The following INPP5F variants were observed in gnomAD, a reference collection of about 807,000 sequenced individuals.
INPP5F encodes inositol polyphosphate-5-phosphatase F.
Under a neutral mutation model 137.2 loss-of-function variants are expected in INPP5F, and 97 were observed. That is an observed-to-expected ratio of 0.71 (90% CI 0.60 to 0.84). INPP5F has a LOEUF of 0.84. Ranked by LOEUF, INPP5F falls within the 40% of genes least tolerant of loss-of-function variation. INPP5F has a pLI of 0.00. For missense variants in INPP5F, 1,271 were observed against 1,371.9 expected, an observed-to-expected ratio of 0.93 and a Z score of 1.16; for synonymous variants, 504 against 476.9, an observed-to-expected ratio of 1.06 and a Z score of -0.74.
At chr10:119,819,635 A>G (rs1851470403) in intron 15 of INPP5F, 1 of 944,052 alleles carries the variant, frequency 1.1e-6, no homozygotes. Flanking sequence ...CCATTGGTTA[A>G]TTGGTTAATG....
chr10:119,736,988 T>C (rs1848232642), intron 1 of INPP5F, among the ~76,000 whole-genome samples: 1 of 152,094 alleles, frequency 6.6e-6, no homozygotes, highest in African/African-American at 2.4e-5. Context: ...CACACCTGGC[T>C]AATTTTTTTA....
At chr10:119,766,595 CAA>C (rs944549529) in intron 2 of INPP5F, among the ~76,000 whole-genome samples, 1 of 152,046 alleles carries the variant, frequency 6.6e-6, no homozygotes, top group East Asian at 1.9e-4. Context: ...AAAGTAAAGA[CAA>C]AGAGGATATC....
Position 119,810,128 on chromosome 10 carries a change from A to G in INPP5F, c.1598A>G (p.Lys533Arg). The G allele has an allele frequency of 6.2e-7, 1 of 1,612,638 alleles. No individual in the cohort carries two copies. Among genetic ancestry groups the G allele is most frequent in the East Asian group, 2.2e-5 (1 of 44,800 alleles). ...KGDFTRTGERKLAGVMKDGVN... is the reference protein window; with the variant it reads ...KGDFTRTGERRLAGVMKDGVN... ...GACTTTACAAGGACAGGAGAAAGGA[A>G]GTTAGCAGGAGTTATGAAAGATGGA... The change falls in exon 14 of 20, where the codon AAG becomes AGG. Residue 533 changes from lysine to arginine, a missense_variant. Lys to Arg is a conservative substitution (Grantham distance 26). Around this residue, in one of 6 missense-constraint regions of INPP5F, gnomAD observed 593 missense variants for 712.4 expected, o/e 0.83. Coordinates refer to ENST00000650623, the MANE Select transcript of INPP5F (RefSeq NM_014937.4).
intron 14 of INPP5F, 106 bp from the exon 15 acceptor site, chr10:119,811,651 G>A: frequency 2.3e-6 from 2 of 856,954 alleles, no homozygotes; most frequent in Admixed American, 5.2e-5. Context: ...TTATGCTTGT[G>A]TTTTCTTCCA....
intron 1 of INPP5F, among the ~76,000 whole-genome samples, chr10:119,749,171 C>T (rs1410880154): frequency 6.6e-6 from 1 of 152,228 alleles, no homozygotes; most frequent in Non-Finnish European, 1.5e-5. Context: ...ACTTCCGAGC[C>T]TGTGGGGAAA....
chr10:119,823,994 A>G (rs2134302316), intron 19 of INPP5F, 92 bp downstream of exon 19: 1 of 875,232 alleles, frequency 1.1e-6, no homozygotes, highest in South Asian at 1.6e-5. Flanking sequence ...GGAGGAGATC[A>G]CATTATGGTA....
intron 1 of INPP5F, among the ~76,000 whole-genome samples, chr10:119,731,048 A>G (rs1402019571): frequency 6.6e-6 from 1 of 152,166 alleles, no homozygotes; most frequent in East Asian, 1.9e-4. Flanking sequence ...CTGCCTCCCA[A>G]AGTGCTGGGA....
chr10:119,774,495 G>GTT (rs35483953), intron 2 of INPP5F, among the ~76,000 whole-genome samples: 1 of 145,120 alleles, frequency 6.9e-6, no homozygotes, highest in Non-Finnish European at 1.5e-5. Context: ...TGTTCGTTTT[G>GTT]TTTTTTTTTT....
chr10:119,754,365 C>T (rs370151126), intron 2 of INPP5F, among the ~76,000 whole-genome samples: 3 of 151,988 alleles, frequency 2.0e-5, no homozygotes, highest in Non-Finnish European at 4.4e-5. Flanking sequence ...ATTTAGGAGG[C>T]GGTGAAGGTA....
chr10:119,791,637 A>T lies in INPP5F; in HGVS notation c.436A>T (p.Lys146Ter), dbSNP rs1850149014. 6.2e-7 allele frequency: 1 copy of T among 1,601,896 alleles called. No individual in the cohort carries two copies. Among genetic ancestry groups the T allele is most frequent in the African/African-American group, 1.3e-5 (1 of 74,590 alleles). The change falls in exon 4 of 20, where the codon AAA becomes TAA. Residue 146 changes from lysine (K) to a stop codon, truncating the protein, a stop_gained. Transcript: ENST00000650623. LOFTEE classifies it high-confidence loss of function. ...TAAATCCAATGTGTCTGCTCCTAAT[A>T]AAAAGAAAGTAAGAGTTTAATTGAT... Reference protein sequence around the residue: ...HIKSNVSAPNKKKVKESKEKE... With the variant: ...HIKSNVSAPN
At chr10:119,768,107 G>A (rs150597274) in intron 2 of INPP5F, 1 of 152,036 alleles carries the variant, frequency 6.6e-6, no homozygotes, top group Non-Finnish European at 1.5e-5. Flanking sequence ...CTTCTGTGGC[G>A]TTTTGAGCAT....
At chr10:119,813,089 C>G (rs1316725191) in intron 15 of INPP5F, among the ~76,000 whole-genome samples, 1 of 152,060 alleles carries the variant, frequency 6.6e-6, no homozygotes, top group African/African-American at 2.4e-5. Flanking sequence ...TTGGGATAAT[C>G]AAAATTGGGA....
chr10:119,774,967 C>T (rs1265735568), intron 2 of INPP5F, among the ~76,000 whole-genome samples: 1 of 150,876 alleles, frequency 6.6e-6, no homozygotes, highest in Non-Finnish European at 1.5e-5. Context: ...TTTTTTTCCT[C>T]ACTGTTTCAG....
chr10:119,801,943 C>T (rs1850608954), intron 9 of INPP5F, among the ~76,000 whole-genome samples: 1 of 152,158 alleles, frequency 6.6e-6, no homozygotes, highest in Admixed American at 6.6e-5. Flanking sequence ...TTCCTGATTT[C>T]GAACAGTACC....
chr10:119,747,917 A>T (rs1848584791), intron 1 of INPP5F, among the ~76,000 whole-genome samples: 1 of 152,238 alleles, frequency 6.6e-6, no homozygotes, highest in Non-Finnish European at 1.5e-5. Context: ...TTACTTAAAA[A>T]ACTATAATGT....
intron 6 of INPP5F, among the ~76,000 whole-genome samples, chr10:119,795,851 G>A (rs996451557): frequency 1.8e-4 from 27 of 152,316 alleles, no homozygotes; most frequent in South Asian, 2.1e-4. Context: ...CAAGGCTGGC[G>A]GATCACTCGC....
chr10:119,745,699 C>CT (rs35485618), intron 1 of INPP5F, among the ~76,000 whole-genome samples: 6,939 of 90,428 alleles, frequency 0.077, 430 homozygotes, highest in South Asian at 0.17. Context: ...AGGCTCATTC[C>CT]TTTTTTTTTT....
chr10:119,761,641 C>G (rs887271766), intron 2 of INPP5F, among the ~76,000 whole-genome samples: 4 of 149,918 alleles, frequency 2.7e-5, no homozygotes, highest in Non-Finnish European at 4.4e-5. Flanking sequence ...ACTAAACATA[C>G]TGTGAATTCA....
intron 1 of INPP5F, among the ~76,000 whole-genome samples, chr10:119,734,699 G>GT (rs1848173369): frequency 6.6e-6 from 1 of 152,100 alleles, no homozygotes; most frequent in African/African-American, 2.4e-5. Flanking sequence ...TTTTGGCATG[G>GT]TTTTATGGGG....
Sources: gnomAD v4.1 joint callset for allele counts (sites outside exome capture counted in the v4.1 genomes callset) on GRCh38, gnomAD v4.1.1 for gene constraint, gnomAD v4.1.1 regional missense constraint, MANE v1.5 for transcripts, NCBI Gene and HGNC (gene_info 2026-07-23, HGNC 2026-07-21) for gene names.